E2F3: variants seen among roughly 807,000 people sequenced by gnomAD.
E2F3 encodes the protein transcription factor E2F3.
A neutral mutation model predicts 44.4 loss-of-function variants in E2F3; 11 were observed. That is an observed-to-expected ratio of 0.25 (90% CI 0.16 to 0.41). The LOEUF (loss-of-function observed/expected upper bound fraction) is 0.41. E2F3 is among the 10% of genes least tolerant of loss of function. The pLI, the probability that E2F3 is intolerant of heterozygous loss-of-function variation, is 1.00. For synonymous variants in E2F3, 249 were observed against 253.0 expected, an observed-to-expected ratio of 0.98 and a Z score of 0.15; for missense variants, 487 against 583.6, an observed-to-expected ratio of 0.83 and a Z score of 1.70.
intron 1 of E2F3, among the ~76,000 whole-genome samples, chr6:20,466,257 T>C (rs371554586): frequency 7.9e-5 from 12 of 152,186 alleles, no homozygotes; most frequent in African/African-American, 2.9e-4. Context: ...GGACTACTCA[T>C]GCACACCACC....
chr6:20,421,944 C>T (rs940205471), intron 1 of E2F3: 1 of 152,206 alleles, frequency 6.6e-6, no homozygotes, highest in African/African-American at 2.4e-5. Flanking sequence ...CGATCATTGG[C>T]TTCAACTTAA....
At position 20,426,996 on chromosome 6, in the gene E2F3, C is replaced by T. The variant is rs79330371; in HGVS notation, c.393+24371C>T. ...TCTATGGTTTATTGGCACCCCAAAC[C>T]ACCTATCCATACCTTCTCCACTGTG... is the stretch of plus-strand genomic sequence containing the variant. On this transcript the variant is annotated intron_variant, in intron 1 of 6. Coordinates refer to ENST00000346618, the MANE Select transcript of E2F3 (RefSeq NM_001949.5). Among the ~76,000 whole-genome samples the T allele has an allele frequency of 5.3e-5, 8 of 152,278 alleles. No homozygotes were observed. In the East Asian group the frequency reaches 9.6e-4, roughly 18 times the overall value.
At chr6:20,420,901 C>T (rs1044120123) in intron 1 of E2F3, among the ~76,000 whole-genome samples, 1 of 152,186 alleles carries the variant, frequency 6.6e-6, no homozygotes, top group Non-Finnish European at 1.5e-5. Flanking sequence ...GCATTTTTCC[C>T]ACACTAGACC....
At chr6:20,477,040 C>G (rs763420110) in intron 1 of E2F3, among the ~76,000 whole-genome samples, 99 of 152,008 alleles carry the variant, frequency 6.5e-4, no homozygotes, top group Non-Finnish European at 1.3e-3. Context: ...TACATCTGAC[C>G]CATTAACAAC....
chr6:20,423,728 C>A (rs1246155746), intron 1 of E2F3, among the ~76,000 whole-genome samples: 1 of 151,904 alleles, frequency 6.6e-6, no homozygotes, highest in Non-Finnish European at 1.5e-5. Flanking sequence ...CTCGGCCTCC[C>A]AAAGTGCTGG....
At chr6:20,414,279 G>A (rs1286267308) in intron 1 of E2F3, among the ~76,000 whole-genome samples, 1 of 152,198 alleles carries the variant, frequency 6.6e-6, no homozygotes, top group Non-Finnish European at 1.5e-5. Flanking sequence ...GGCTCGCAGA[G>A]ACGAGCCATC....
intron 1 of E2F3, among the ~76,000 whole-genome samples, chr6:20,476,715 A>G (rs1401265861): frequency 6.6e-6 from 1 of 152,204 alleles, no homozygotes; most frequent in East Asian, 1.9e-4. Context: ...GATGGGCCAC[A>G]ATGATTAGCC....
rs1762033942 is a variant in E2F3 at position 20,476,095 on chromosome 6, G to A, written c.394-3751G>A. Among the ~76,000 whole-genome samples, 6 of 152,062 alleles carry A rather than the reference G, an allele frequency of 3.9e-5. No individual in the cohort carries two copies. In the South Asian group the frequency reaches 1.0e-3, roughly 26 times the overall value. ...CGACTCAAAACACTTGAAGCAGCTG[G>A]GCACGGTGGCTCACGCCTGTAATCC... is the stretch of plus-strand genomic sequence containing the variant. On this transcript the variant is annotated intron_variant, in intron 1 of 6. Transcript: ENST00000346618.
intron 1 of E2F3, chr6:20,440,301 T>C (rs1365541598): frequency 1.3e-5 from 2 of 152,200 alleles, no homozygotes; most frequent in Non-Finnish European, 2.9e-5. Context: ...ATTAAAATAA[T>C]TTAGTAATGT....
chr6:20,419,554 TTTACTTAC>T (rs35232215), intron 1 of E2F3, among the ~76,000 whole-genome samples: 122 of 137,990 alleles, frequency 8.8e-4, no homozygotes, highest in Non-Finnish European at 1.5e-3. Context: ...TATTTATTTA[TTTACTTAC>T]TTACTTACTT....
At chr6:20,472,233 A>G (rs1008140662) in intron 1 of E2F3, among the ~76,000 whole-genome samples, 1 of 152,084 alleles carries the variant, frequency 6.6e-6, no homozygotes, top group Non-Finnish European at 1.5e-5. Flanking sequence ...TTATGACCTG[A>G]GCTTAGAGTC....
At chr6:20,457,159 C>G (rs1761332390) in intron 1 of E2F3, among the ~76,000 whole-genome samples, 1 of 151,596 alleles carries the variant, frequency 6.6e-6, no homozygotes, top group South Asian at 2.1e-4. Context: ...GCTAGTGTAC[C>G]CTTTGAGATC....
chr6:20,404,830 A>G (rs1362098895), intron 1 of E2F3, among the ~76,000 whole-genome samples: 1 of 152,154 alleles, frequency 6.6e-6, no homozygotes, highest in African/African-American at 2.4e-5. Flanking sequence ...AGAATATTCC[A>G]TGCTTTTATT....
chr6:20,425,138 C>A (rs1227312183), intron 1 of E2F3, among the ~76,000 whole-genome samples: 2 of 152,088 alleles, frequency 1.3e-5, no homozygotes, highest in Non-Finnish European at 2.9e-5. Flanking sequence ...TTTGGCTTTG[C>A]CAAGGGTATT....
At chr6:20,485,042 T>A (rs535460101) in intron 4 of E2F3, among the ~76,000 whole-genome samples, 1 of 152,040 alleles carries the variant, frequency 6.6e-6, no homozygotes, top group Non-Finnish European at 1.5e-5. Flanking sequence ...ATTAAACATA[T>A]TAGATCACGG....
intron 1 of E2F3, among the ~76,000 whole-genome samples, chr6:20,478,630 G>A (rs894365857): frequency 2.6e-5 from 4 of 152,138 alleles, no homozygotes; most frequent in African/African-American, 7.2e-5. Context: ...CCAACATGGC[G>A]AAACCCCGTC....
At chr6:20,420,969 T>G (rs1401795821) in intron 1 of E2F3, among the ~76,000 whole-genome samples, 1 of 152,216 alleles carries the variant, frequency 6.6e-6, no homozygotes, top group African/African-American at 2.4e-5. Context: ...TCAACTAAAT[T>G]TATGCAATAT....
intron 5 of E2F3, among the ~76,000 whole-genome samples, chr6:20,487,771 C>A (rs4134970): frequency 6.6e-6 from 1 of 152,184 alleles, no homozygotes; most frequent in African/African-American, 2.4e-5. Flanking sequence ...ATATTTTTGG[C>A]TTTGCGAGCC....
At chr6:20,467,540 A>G (rs73384647) in intron 1 of E2F3, among the ~76,000 whole-genome samples, 2,008 of 152,136 alleles carry the variant, frequency 0.013, 57 homozygotes, top group African/African-American at 0.045. Context: ...CTTTCCTGAC[A>G]CTGCCTTCTT....
Sources: allele counts gnomAD v4.1 joint callset (sites outside exome capture counted in the v4.1 genomes callset), GRCh38; gene constraint gnomAD v4.1.1; transcripts MANE v1.5; gene names NCBI Gene and HGNC (gene_info 2026-07-23, HGNC 2026-07-21).